JAK2: variants seen among roughly 807,000 people sequenced by gnomAD.
JAK2 encodes tyrosine-protein kinase JAK2.
Under a neutral mutation model 139.3 loss-of-function variants are expected in JAK2, and 86 were observed. The ratio of observed to expected loss-of-function variants is 0.62; its 90% confidence interval spans 0.52 to 0.74. The LOEUF (loss-of-function observed/expected upper bound fraction) is 0.74, where lower values mean the gene tolerates loss of function less well. Ranked by LOEUF, JAK2 falls within the 30% of genes least tolerant of loss-of-function variation. JAK2 has a pLI of 0.00. For synonymous variants in JAK2, 490 were observed against 437.7 expected (o/e 1.12, Z -1.49); for missense variants, 1,421 against 1,360.3 (o/e 1.04, Z -0.70).
chr9:5,112,537 GA>G (rs1420467306), intron 22 of JAK2: 2 of 598,176 alleles, frequency 3.3e-6, no homozygotes, highest in Non-Finnish European at 6.0e-6. Flanking sequence ...GGCCGAGTGG[GA>G]GAAGCAGGTG....
intron 14 of JAK2, among the ~76,000 whole-genome samples, chr9:5,073,986 A>G (rs1416414710): frequency 6.6e-6 from 1 of 152,188 alleles, no homozygotes; most frequent in Non-Finnish European, 1.5e-5. Flanking sequence ...TAAAAGTAGA[A>G]GGTTACAATG....
chr9:5,124,582 A>C (rs1823852434), intron 23 of JAK2, among the ~76,000 whole-genome samples: 1 of 151,900 alleles, frequency 6.6e-6, no homozygotes, highest in Admixed American at 6.6e-5. Context: ...GGGAACCAAA[A>C]AGAGCCCTAA....
At chr9:5,029,927 A>C (rs1361149006) in intron 4 of JAK2, 21 bp downstream of exon 4, 19 of 1,567,546 alleles carry the variant, frequency 1.2e-5, no homozygotes, top group African/African-American at 2.8e-5. Flanking sequence ...CAGTAAAGTA[A>C]CTCACTTAAT....
At chr9:5,112,404 G>A in intron 22 of JAK2, 1 of 462,478 alleles carries the variant, frequency 2.2e-6, no homozygotes, top group Non-Finnish European at 4.0e-6. Flanking sequence ...GGAGGAGGAG[G>A]ATGAGGAGAA....
intron 2 of JAK2, among the ~76,000 whole-genome samples, chr9:5,021,341 C>T (rs1587836318): frequency 6.6e-6 from 1 of 152,178 alleles, no homozygotes; most frequent in Non-Finnish European, 1.5e-5. Context: ...GACCCCTCTT[C>T]CCCCAATTTG....
At chr9:5,106,825 C>T (rs1245856660) in intron 22 of JAK2, among the ~76,000 whole-genome samples, 8 of 152,138 alleles carry the variant, frequency 5.3e-5, no homozygotes, top group African/African-American at 1.9e-4. Flanking sequence ...TGCATGTTCT[C>T]ACTCATAGGT....
rs915521389 is a variant in JAK2, at chr9:5,082,797, G to C, written c.2571+936G>C. 3.9e-5 allele frequency among the ~76,000 whole-genome samples: 6 copies of C among 152,348 alleles called. No individual in the cohort carries two copies. In the South Asian group the frequency reaches 1.2e-3, roughly 32 times the overall value. On this transcript the variant is annotated intron_variant, in intron 19 of 24. Coordinates refer to ENST00000381652, the MANE Select transcript of JAK2 (RefSeq NM_004972.4). ...CTGCCTGTACACATTTTGTTAACAA[G>C]GCACATCCTACACAGCCCTAGCCTT...
At chr9:5,020,822 G>A (rs1822371517) in intron 2 of JAK2, among the ~76,000 whole-genome samples, 1 of 152,144 alleles carries the variant, frequency 6.6e-6, no homozygotes, top group South Asian at 2.1e-4. Context: ...GGTGGAGGAT[G>A]TCAGTGGGGC....
chr9:5,072,802 C>T (rs1009022936), intron 13 of JAK2, among the ~76,000 whole-genome samples, 176 bp downstream of exon 13: 3 of 151,886 alleles, frequency 2.0e-5, no homozygotes, highest in African/African-American at 7.3e-5. Context: ...TGAAAATTAC[C>T]GGATTAAAAA....
chr9:4,999,388 G>A (rs1415908616), intron 2 of JAK2, among the ~76,000 whole-genome samples: 1 of 152,070 alleles, frequency 6.6e-6, no homozygotes, highest in Non-Finnish European at 1.5e-5. Context: ...TTGACCAAAT[G>A]TCTCTTCATA....
rs770541099 is a variant in JAK2 at position 5,054,747 on chromosome 9, A to G, written c.799A>G (p.Thr267Ala). ...NLETLQSAFY[T>A]EKFEVKEPGS... ...GGAAACTCTGCAGTCTGCCTTCTAC[A>G]CAGAGAAATTTGAAGTAAAAGAACC... Residue 267 changes from threonine (T) to alanine (A), a missense_variant, in exon 7 of 25, where the codon ACA (threonine) becomes GCA (alanine). Coordinates refer to ENST00000381652, the MANE Select transcript of JAK2 (RefSeq NM_004972.4). The surrounding 1 kb of genome is among the most constrained non-coding windows in gnomAD (Gnocchi z 4.9). 1.9e-6 allele frequency: 3 copies of G among 1,613,408 alleles called. No homozygotes were observed. Among genetic ancestry groups the G allele is most frequent in the South Asian group, 2.2e-5 (2 of 91,054 alleles).
chr9:5,091,052 T>G, intron 22 of JAK2, 141 bp downstream of exon 22: 2 of 618,626 alleles, frequency 3.2e-6, no homozygotes, highest in Non-Finnish European at 5.5e-6. Context: ...TAACTTTTTT[T>G]TTTTAGGTCT....
At chr9:5,021,872 A>C (rs184472124) in intron 2 of JAK2, 91 bp from the exon 3 acceptor site, 1 of 672,246 alleles carries the variant, frequency 1.5e-6, no homozygotes. Flanking sequence ...GGCTCAAGCT[A>C]TCTGCCCGCC....
In JAK2 at chr9:5,126,747, C is replaced by G; in HGVS notation, c.3355C>G (p.Leu1119Val). Residue 1119 changes from leucine (L) to valine (V), a missense_variant, in exon 25 of 25, where the codon CTA becomes GTA. Leu to Val is a conservative substitution (Grantham distance 32, BLOSUM62 1). Coordinates refer to ENST00000381652, the MANE Select transcript of JAK2 (RefSeq NM_004972.4). The stretch of plus-strand genomic sequence containing the variant: ...AAATCAACGCCCCTCCTTTAGGGAT[C>G]TAGCTCTTCGAGTGGATCAAATAAG... ...NVNQRPSFRD[L>V]ALRVDQIRDN... 6 of 1,610,902 alleles carry G rather than the reference C, an allele frequency of 3.7e-6. No homozygotes were observed. The highest frequency in any genetic ancestry group is 5.1e-6 in the Non-Finnish European group (6 of 1,177,600).
chr9:5,123,622 G>T (rs1336834517), intron 23 of JAK2, among the ~76,000 whole-genome samples: 1 of 151,932 alleles, frequency 6.6e-6, no homozygotes, highest in Non-Finnish European at 1.5e-5. Flanking sequence ...ACAGGTGGAG[G>T]TATCTTTTTG....
chr9:5,075,696 T>C (rs561249102), intron 14 of JAK2, among the ~76,000 whole-genome samples: 1 of 152,310 alleles, frequency 6.6e-6, no homozygotes, highest in Admixed American at 6.5e-5. Flanking sequence ...TACAAGGATA[T>C]TCATGTTATT....
At chr9:5,049,196 CTTTA>C (rs1271369785) in intron 5 of JAK2, among the ~76,000 whole-genome samples, 1 of 152,182 alleles carries the variant, frequency 6.6e-6, no homozygotes, top group African/African-American at 2.4e-5. Context: ...CGTAAATACA[CTTTA>C]TTTTCTTCAA....
Position 5,066,777 on chromosome 9 carries a change from T to C in JAK2, c.1314T>C (p.Thr438=). ...SPKDFNKYFL[T]FAVERENVIE... ...AGGACTTTAATAAATATTTTTTGAC[T>C]TTTGCTGTCGAGGTTAGTATGTCAC... The change falls in exon 10 of 25, where the codon ACT becomes ACC. Residue 438 remains threonine, a synonymous_variant. Transcript: ENST00000381652. 1.3e-6 allele frequency: 2 copies of C among 1,544,260 alleles called. No homozygotes were observed. Among genetic ancestry groups the C allele is most frequent in the South Asian group, 2.5e-5 (2 of 81,596 alleles).
chr9:5,073,631 A>G (rs1819120385), intron 13 of JAK2, 67 bp from the exon 14 acceptor site: 1 of 1,144,288 alleles, frequency 8.7e-7, no homozygotes, highest in Non-Finnish European at 1.3e-6. Context: ...TATGGCAGAG[A>G]GAATTTTCTG....
Sources: gnomAD v4.1 joint callset for allele counts (sites outside exome capture counted in the v4.1 genomes callset) on GRCh38, gnomAD v4.1.1 for gene constraint, Gnocchi (gnomAD v3.1) non-coding constraint, MANE v1.5 for transcripts, NCBI Gene and HGNC (gene_info 2026-07-23, HGNC 2026-07-21) for gene names.